MYL9: variants seen among roughly 807,000 people sequenced by gnomAD.
MYL9 encodes the protein myosin regulatory light polypeptide 9.
A neutral mutation model predicts 12.8 loss-of-function variants in MYL9; 7 were observed. The ratio of observed to expected loss-of-function variants is 0.55; its 90% CI spans 0.31 to 1.03. The LOEUF (loss-of-function observed/expected upper bound fraction) is 1.03. Ranked by LOEUF, MYL9 falls within the 50% of genes least tolerant of loss-of-function variation. MYL9 has a pLI of 0.05. For missense variants in MYL9, 190 were observed against 242.7 expected (o/e 0.78, Z 1.44); for synonymous variants, 81 against 87.8 (o/e 0.92, Z 0.43).
At chr20:36,548,963 G>A (rs1487958834) in intron 3 of MYL9, 114 bp from the exon 4 acceptor site, 3 of 1,090,880 alleles carry the variant, frequency 2.8e-6, no homozygotes, top group Non-Finnish European at 2.6e-6. Flanking sequence ...GACTAAGATT[G>A]TATCTTCCCA....
In MYL9 at chr20:36,550,094, C is replaced by T. The variant is rs953768438; in HGVS notation, c.*845C>T. ...CTCAGGGCTTGTGGGAAAGGGAGGA[C>T]CATGGGAATCACCACAGCCAATCCC... On this transcript the variant is annotated 3_prime_UTR_variant, in exon 4 of 4. Coordinates refer to ENST00000279022, the MANE Select transcript of MYL9 (RefSeq NM_006097.5). 1 of 152,484 alleles carries T rather than the reference C, an allele frequency of 6.6e-6. No homozygotes were observed. The highest frequency in any genetic ancestry group is 1.5e-5 in the Non-Finnish European group (1 of 68,324). The allele number at this position is 152,484 out of a possible 1,614,324, so 9.4% of individuals were successfully genotyped here.
rs749895352 is a variant in MYL9, at chr20:36,549,290, C to T, written c.*41C>T. ...TGACACCCCAGCCCCCGCCAGTCACCCCTCCCCGCACACACCCGTCCATAC... is the reference window on the plus strand; with the variant it reads ...TGACACCCCAGCCCCCGCCAGTCACTCCTCCCCGCACACACCCGTCCATAC... On this transcript the variant is annotated 3_prime_UTR_variant, in exon 4 of 4. Transcript: ENST00000279022. The T allele has an allele frequency of 1.3e-6, 2 of 1,485,940 alleles. No individual in the cohort carries two copies. The highest frequency in any genetic ancestry group is 2.6e-5 in the South Asian group (2 of 77,776). 92.0% of individuals were successfully genotyped at this position (1,485,940 alleles called of 1,614,324 possible).
At chr20:36,543,938 G>A (rs2038065325) in intron 1 of MYL9, among the ~76,000 whole-genome samples, 1 of 152,166 alleles carries the variant, frequency 6.6e-6, no homozygotes, top group African/African-American at 2.4e-5. Context: ...CACCACGAGG[G>A]CTGTCAGAGA....
chr20:36,545,876 C>T (rs1024047208), intron 2 of MYL9, among the ~76,000 whole-genome samples: 5 of 152,120 alleles, frequency 3.3e-5, no homozygotes, highest in South Asian at 2.1e-4. Context: ...GCCAAGATCA[C>T]GCCACTGCAC....
intron 1 of MYL9, among the ~76,000 whole-genome samples, chr20:36,543,277 G>A (rs2038057861): frequency 6.6e-6 from 1 of 152,208 alleles, no homozygotes; most frequent in Non-Finnish European, 1.5e-5. Flanking sequence ...GATGGCCCTG[G>A]GGACCAGCTG....
intron 2 of MYL9, among the ~76,000 whole-genome samples, chr20:36,545,308 T>C (rs373633277): frequency 1.6e-4 from 25 of 151,750 alleles, no homozygotes; most frequent in African/African-American, 1.9e-4. Context: ...CCATCCTGGC[T>C]AACACGGTGA....
intron 2 of MYL9, among the ~76,000 whole-genome samples, chr20:36,545,925 AGAAAGAAAG>A (rs958741630): frequency 1.3e-5 from 2 of 152,224 alleles, no homozygotes; most frequent in African/African-American, 4.8e-5. Flanking sequence ...GTCTCAAAAC[AGAAAGAAAG>A]GAAAGAAAGA....
At chr20:36,542,427 T>G (rs1166191022) in intron 1 of MYL9, among the ~76,000 whole-genome samples, 2 of 152,216 alleles carry the variant, frequency 1.3e-5, no homozygotes, top group African/African-American at 2.4e-5. Flanking sequence ...TCCAGTCACA[T>G]CCAGGCCAAG....
At chr20:36,543,720 C>T (rs139916352) in intron 1 of MYL9, among the ~76,000 whole-genome samples, 77 of 152,318 alleles carry the variant, frequency 5.1e-4, no homozygotes, top group Middle Eastern at 6.8e-3. Flanking sequence ...ACTGGGGGAT[C>T]TATGCTGGCC....
intron 2 of MYL9, among the ~76,000 whole-genome samples, chr20:36,545,493 T>C (rs2038086726): frequency 7.8e-6 from 1 of 128,016 alleles, no homozygotes; most frequent in Non-Finnish European, 1.6e-5. Flanking sequence ...CGAGACTCCA[T>C]CTCAAAAAAA....
chr20:36,546,778 T>C (rs2038105688), intron 2 of MYL9, among the ~76,000 whole-genome samples: 1 of 152,048 alleles, frequency 6.6e-6, no homozygotes, highest in Non-Finnish European at 1.5e-5. Context: ...CCCGGCTAAT[T>C]TTTGTATTTT....
chr20:36,545,601 G>C (rs1486415791), intron 2 of MYL9, among the ~76,000 whole-genome samples: 1 of 151,628 alleles, frequency 6.6e-6, no homozygotes, highest in Non-Finnish European at 1.5e-5. Context: ...AGGCAGATTT[G>C]TGCACTGGGC....
In MYL9 at chr20:36,549,421, CA is replaced by C; in HGVS notation, c.*173del. 1 of 627,638 alleles carries C rather than the reference CA, an allele frequency of 1.6e-6. No homozygotes were observed. The highest frequency in any genetic ancestry group is 2.8e-6 in the Non-Finnish European group (1 of 363,080). The allele number at this position is 627,638 out of a possible 1,614,324, so 38.9% of individuals were successfully genotyped here. A position where few individuals can be genotyped will look rare whatever the true frequency, so the allele number is the denominator to read the frequency against. ...AGGAGAAGTGCGTGCCGAGCTGAGG[CA>C]GATGTTCCCACAGTGACCCCAGAGC... On this transcript the variant is annotated 3_prime_UTR_variant, in exon 4 of 4. Transcript: ENST00000279022.
Position 36,549,173 on chromosome 20 carries a change from T to C in MYL9, c.443T>C (p.Ile148Thr), listed in dbSNP as rs766707664. ...GACGAGATGTACCGGGAGGCACCCA[T>C]TGATAAGAAAGGCAACTTCAACTAC... is the stretch of plus-strand genomic sequence containing the variant. The part of the protein sequence containing the change: ...EVDEMYREAP[I>T]DKKGNFNYVE... The change falls in exon 4 of 4, where the codon ATT becomes ACT. Residue 148 changes from isoleucine to threonine, a missense_variant. Coordinates refer to ENST00000279022, the MANE Select transcript of MYL9 (RefSeq NM_006097.5). 6 of 1,614,020 alleles carry C rather than the reference T, an allele frequency of 3.7e-6. No individual in the cohort carries two copies. The Admixed American group carries it at 6.7e-5, about 18-fold the overall frequency.
At chr20:36,543,235 C>T (rs987906491) in intron 1 of MYL9, among the ~76,000 whole-genome samples, 6 of 152,220 alleles carry the variant, frequency 3.9e-5, no homozygotes, top group Non-Finnish European at 8.8e-5. Context: ...CCGTGGGACA[C>T]GGGCAACCAC....
intron 2 of MYL9, among the ~76,000 whole-genome samples, chr20:36,545,293 C>T (rs544246432): frequency 6.6e-5 from 10 of 151,692 alleles, no homozygotes; most frequent in Non-Finnish European, 7.4e-5. Context: ...GTCAGGAGAT[C>T]GAGACCATCC....
intron 2 of MYL9, among the ~76,000 whole-genome samples, chr20:36,547,675 T>C (rs2038116596): frequency 6.6e-6 from 1 of 152,218 alleles, no homozygotes; most frequent in Non-Finnish European, 1.5e-5. Flanking sequence ...TCAGCTTCCA[T>C]ACCTGTGAAG....
intron 1 of MYL9, among the ~76,000 whole-genome samples, chr20:36,543,841 G>A (rs1390883077): frequency 3.9e-5 from 6 of 152,172 alleles, no homozygotes; most frequent in African/African-American, 1.2e-4. Flanking sequence ...AAAGAGCACA[G>A]GGGAGGAGGG....
intron 1 of MYL9, among the ~76,000 whole-genome samples, chr20:36,544,600 G>C (rs1350713962): frequency 6.6e-6 from 1 of 152,240 alleles, no homozygotes; most frequent in Non-Finnish European, 1.5e-5. Context: ...CGGGCACTGA[G>C]TCAGTTAATC....
Sources: gnomAD v4.1 joint callset for allele counts (sites outside exome capture counted in the v4.1 genomes callset) on GRCh38, gnomAD v4.1.1 for gene constraint, MANE v1.5 for transcripts, NCBI Gene and HGNC (gene_info 2026-07-23, HGNC 2026-07-21) for gene names.